The following NUP37 variants were observed in gnomAD, a reference collection of about 807,000 sequenced individuals.
The protein encoded by NUP37 is nucleoporin Nup37.
A neutral mutation model predicts 45.4 loss-of-function variants in NUP37; 33 were observed. That is an observed-to-expected ratio of 0.73 (90% CI 0.55 to 0.97). The LOEUF (loss-of-function observed/expected upper bound fraction) is 0.97, where lower values mean the gene tolerates loss of function less well. Ranked by LOEUF, NUP37 falls within the 50% of genes least tolerant of loss-of-function variation. The pLI is 0.00. For missense variants in NUP37, 365 were observed against 389.7 expected (o/e 0.94, Z 0.53); for synonymous variants, 127 against 130.7 (o/e 0.97, Z 0.19).
chr12:102,075,104 A>AATCCTTGACACTGAGAATAGCAG lies in NUP37; in HGVS notation c.774-11_774-10insCTGCTATTCTCAGTGTCAAGGAT. ...ACTAATTGTGGACCACCTAAGAAAT[A>AATCCTTGACACTGAGAATAGCAG]AGGAAGCGTAAAATTAAGTATCGTA... is the stretch of plus-strand genomic sequence containing the variant. On this transcript the variant is annotated splice_polypyrimidine_tract_variant and intron_variant, in intron 8 of 9. Transcript: ENST00000552283. 6.4e-7 allele frequency: 1 copy of AATCCTTGACACTGAGAATAGCAG among 1,565,756 alleles called. No homozygotes were observed. Among genetic ancestry groups the AATCCTTGACACTGAGAATAGCAG allele is most frequent in the Non-Finnish European group, 8.8e-7 (1 of 1,141,388 alleles).
intron 6 of NUP37, 117 bp from the exon 7 acceptor site, chr12:102,077,620 C>G: frequency 1.0e-6 from 1 of 991,894 alleles, no homozygotes; most frequent in Non-Finnish European, 1.4e-6. Context: ...TATACAGGTT[C>G]AGCATTCCTC....
chr12:102,089,098 T>C lies in NUP37; in HGVS notation c.450-3242A>G, dbSNP rs1342277832. Among the ~76,000 whole-genome samples, 5 of 152,166 alleles carry C rather than the reference T, an allele frequency of 3.3e-5. No homozygotes were observed. In the East Asian group the frequency reaches 9.6e-4, roughly 29 times the overall value. ...GTACAGAACAAAATGGAGTCTCCTA[T>C]GTCTACTTCTTTCTACACAGACACA... On this transcript the variant is annotated intron_variant, in intron 5 of 9. Transcript: ENST00000552283.
intron 3 of NUP37, among the ~76,000 whole-genome samples, chr12:102,109,157 C>T (rs916148375): frequency 2.0e-5 from 3 of 152,144 alleles, no homozygotes; most frequent in African/African-American, 4.8e-5. Flanking sequence ...TTTAATTGAA[C>T]CAGAAAACCT....
intron 5 of NUP37, among the ~76,000 whole-genome samples, chr12:102,096,602 G>A (rs1191554783): frequency 6.6e-6 from 1 of 152,102 alleles, no homozygotes; most frequent in African/African-American, 2.4e-5. Flanking sequence ...AGTAAGCACT[G>A]GGTCTGCTCT....
Position 102,101,055 on chromosome 12 carries a change from G to A in NUP37, c.331C>T (p.Leu111Phe), listed in dbSNP as rs746636200. Residue 111 changes from leucine to phenylalanine, a missense_variant, in exon 4 of 10, where the codon CTT (leucine) becomes TTT (phenylalanine). Transcript: ENST00000552283. ...ACCTTATATTCATTTTTATCCTGAA[G>A]ATCTGAAGTAAATAATCTAATTTTC... ...DMKIRLFTSDLQDKNEYKVLE... is the reference protein window; with the variant it reads ...DMKIRLFTSDFQDKNEYKVLE... The A allele has an allele frequency of 1.3e-6, 2 of 1,555,884 alleles. No individual in the cohort carries two copies. The highest frequency in any genetic ancestry group is 8.7e-7 in the Non-Finnish European group (1 of 1,144,962).
chr12:102,114,229 T>C (rs1003442730), intron 2 of NUP37, among the ~76,000 whole-genome samples: 1 of 152,212 alleles, frequency 6.6e-6, no homozygotes, highest in African/African-American at 2.4e-5. Context: ...CTCCTAAAAA[T>C]GAAGTTTTTG....
At chr12:102,105,679 G>A (rs959315948) in intron 3 of NUP37, among the ~76,000 whole-genome samples, 3 of 151,872 alleles carry the variant, frequency 2.0e-5, no homozygotes, top group African/African-American at 7.3e-5. Context: ...TGGTCAACAC[G>A]GCGAAATCCC....
At chr12:102,078,050 G>A (rs1160553176) in intron 6 of NUP37, among the ~76,000 whole-genome samples, 7 of 152,174 alleles carry the variant, frequency 4.6e-5, no homozygotes, top group Admixed American at 2.0e-4. Context: ...AGATTTGGCC[G>A]GGTGTGGTGG....
chr12:102,095,232 C>T (rs1417396175), intron 5 of NUP37, among the ~76,000 whole-genome samples: 1 of 152,002 alleles, frequency 6.6e-6, no homozygotes, highest in Non-Finnish European at 1.5e-5. Context: ...GACACTTTTA[C>T]CTTCTTTTGG....
chr12:102,095,041 G>A (rs1375491047), intron 5 of NUP37, among the ~76,000 whole-genome samples: 1 of 152,014 alleles, frequency 6.6e-6, no homozygotes, highest in Non-Finnish European at 1.5e-5. Flanking sequence ...ATCCCCCAAA[G>A]TACTGAATAT....
At chr12:102,099,248 C>A (rs1879903576) in intron 4 of NUP37, 48 bp from the exon 5 acceptor site, 1 of 1,260,424 alleles carries the variant, frequency 7.9e-7, no homozygotes, top group South Asian at 1.2e-5. Flanking sequence ...AGAAAAATAA[C>A]CTACAATATT....
At chr12:102,091,199 C>A (rs763196810) in intron 5 of NUP37, among the ~76,000 whole-genome samples, 42 of 151,820 alleles carry the variant, frequency 2.8e-4, no homozygotes, top group Admixed American at 5.2e-4. Flanking sequence ...GAGTTCGAGA[C>A]CAGCCTGACC....
At chr12:102,075,573 A>G (rs1480878999) in intron 8 of NUP37, among the ~76,000 whole-genome samples, 1 of 152,192 alleles carries the variant, frequency 6.6e-6, no homozygotes, top group African/African-American at 2.4e-5. Context: ...ATTCCAGGAA[A>G]ATATTCCATA....
At chr12:102,107,716 T>A (rs1258487410) in intron 3 of NUP37, among the ~76,000 whole-genome samples, 1 of 152,180 alleles carries the variant, frequency 6.6e-6, no homozygotes, top group African/African-American at 2.4e-5. Flanking sequence ...ATGAATCTCA[T>A]ATATATAATG....
intron 5 of NUP37, among the ~76,000 whole-genome samples, chr12:102,095,275 TG>T (rs1879771822): frequency 6.6e-6 from 1 of 152,130 alleles, no homozygotes. Flanking sequence ...TAAATGAATA[TG>T]CACTTCTTTA....
rs1879099882 is a variant in NUP37, at chr12:102,074,032, G to C, written c.*322C>G. On this transcript the variant is annotated 3_prime_UTR_variant, in exon 10 of 10. Transcript: ENST00000552283. Reference sequence around the variant, plus strand: ...AAAAACAGCATATACTCAAAGTATAGAAAACAGGATACACTTCAAATACTC... The same window carrying C: ...AAAAACAGCATATACTCAAAGTATACAAAACAGGATACACTTCAAATACTC... The C allele has an allele frequency of 6.3e-6, 1 of 157,938 alleles. No individual in the cohort carries two copies. The highest frequency in any genetic ancestry group is 1.4e-5 in the Non-Finnish European group (1 of 72,232). 9.8% of individuals were successfully genotyped at this position (157,938 alleles called of 1,614,324 possible). A position where few individuals can be genotyped will look rare whatever the true frequency, so the allele number is the denominator to read the frequency against.
chr12:102,105,212 T>TA (rs1238481100), intron 3 of NUP37, among the ~76,000 whole-genome samples: 1 of 152,220 alleles, frequency 6.6e-6, no homozygotes, highest in Non-Finnish European at 1.5e-5. Context: ...TTTGCACCTC[T>TA]ATATATTTAT....
intron 3 of NUP37, among the ~76,000 whole-genome samples, chr12:102,104,288 T>A (rs1462005960): frequency 1.3e-5 from 2 of 152,200 alleles, no homozygotes; most frequent in Admixed American, 6.5e-5. Context: ...TTCATTTAAG[T>A]CTTTTTGAAT....
intron 3 of NUP37, among the ~76,000 whole-genome samples, chr12:102,103,251 ATTTGTGCC>A: frequency 6.6e-6 from 1 of 152,258 alleles, no homozygotes; most frequent in East Asian, 1.9e-4. Context: ...CTTTCCAATT[ATTTGTGCC>A]AAGTTCAATG....
Sources: gnomAD v4.1 joint callset for allele counts (sites outside exome capture counted in the v4.1 genomes callset) on GRCh38, gnomAD v4.1.1 for gene constraint, MANE v1.5 for transcripts, NCBI Gene and HGNC (gene_info 2026-07-23, HGNC 2026-07-21) for gene names.